The following CSMD2 variants were observed in gnomAD, a reference collection of about 807,000 sequenced individuals.
CSMD2 encodes CUB and sushi domain-containing protein 2.
CSMD2 carries 130 observed loss-of-function variants against 398.5 expected under a neutral mutation model. The ratio of observed to expected loss-of-function variants is 0.33; its 90% CI spans 0.28 to 0.38. The LOEUF (loss-of-function observed/expected upper bound fraction) is 0.38, where lower values mean the gene tolerates loss of function less well. Ranked by LOEUF, CSMD2 falls within the 10% of genes least tolerant of loss-of-function variation. The pLI is 1.00. For synonymous variants in CSMD2, 1,828 were observed against 1,908.5 expected, an observed-to-expected ratio of 0.96 and a Z score of 1.10; for missense variants, 3,829 against 4,764.9, an observed-to-expected ratio of 0.80 and a Z score of 5.78.
intron 29 of CSMD2, among the ~76,000 whole-genome samples, chr1:33,643,682 A>G (rs1643240731): frequency 6.6e-6 from 1 of 152,302 alleles, no homozygotes; most frequent in Non-Finnish European, 1.5e-5. Flanking sequence ...CTATAAAGAA[A>G]GATAGTGTAC....
At chr1:34,147,183 G>A (rs542821835) in intron 1 of CSMD2, among the ~76,000 whole-genome samples, 7 of 152,168 alleles carry the variant, frequency 4.6e-5, no homozygotes, top group Admixed American at 2.6e-4. Context: ...GCATGAACCC[G>A]GGAGGCAGAG....
intron 10 of CSMD2, among the ~76,000 whole-genome samples, chr1:33,805,535 G>A (rs913024951): frequency 6.6e-6 from 1 of 152,114 alleles, no homozygotes; most frequent in African/African-American, 2.4e-5. Context: ...CTTTTTCCAA[G>A]TTAGTGTTAA....
chr1:33,726,950 G>A (rs1022551132), intron 15 of CSMD2, among the ~76,000 whole-genome samples: 3 of 152,158 alleles, frequency 2.0e-5, no homozygotes, highest in African/African-American at 7.2e-5. Flanking sequence ...AAGGGCTGAA[G>A]TACAACTAAT....
chr1:33,726,796 GGA>G (rs1646548912), intron 15 of CSMD2, 111 bp from the exon 16 acceptor site: 2 of 1,193,284 alleles, frequency 1.7e-6, no homozygotes, highest in East Asian at 5.2e-5. Flanking sequence ...TTGTTTTTAT[GGA>G]AAATTACATA....
chr1:33,532,184 T>A (rs1001721570), intron 64 of CSMD2, among the ~76,000 whole-genome samples: 1 of 152,196 alleles, frequency 6.6e-6, no homozygotes, highest in African/African-American at 2.4e-5. Context: ...AGGGTATAGA[T>A]CTTCAGCACT....
intron 37 of CSMD2, among the ~76,000 whole-genome samples, chr1:33,618,927 C>A (rs1217508506): frequency 6.6e-6 from 1 of 152,114 alleles, no homozygotes; most frequent in Non-Finnish European, 1.5e-5. Context: ...CCCCTGCTCT[C>A]CCTGCCTCCC....
chr1:33,537,350 A>T lies in CSMD2; in HGVS notation c.9805+86T>A. 1.4e-6 allele frequency: 2 copies of T among 1,410,096 alleles called. No individual in the cohort carries two copies. The highest frequency in any genetic ancestry group is 1.9e-6 in the Non-Finnish European group (2 of 1,028,460). 87.3% of individuals were successfully genotyped at this position (1,410,096 alleles called of 1,614,324 possible). A position where few individuals can be genotyped will look rare whatever the true frequency, so the allele number is the denominator to read the frequency against. ...TTTTGCAGATGAGACCACTGAAGAC[A>T]GGGAAGGAAAGTAATCATCTCAGGC... On this transcript the variant is annotated intron_variant, in intron 61 of 70. Coordinates refer to ENST00000373381, the MANE Select transcript of CSMD2 (RefSeq NM_001281956.2). The surrounding 1 kb of genome is among the most constrained non-coding windows in gnomAD (Gnocchi z 4.6).
At chr1:33,646,502 C>T in intron 29 of CSMD2, 146 bp downstream of exon 29, 1 of 798,652 alleles carries the variant, frequency 1.3e-6, no homozygotes, top group South Asian at 1.9e-5. Context: ...GCAGGAAAGG[C>T]AGGTTTCTGC....
intron 64 of CSMD2, among the ~76,000 whole-genome samples, chr1:33,527,940 CAAAAAAA>C (rs61088318): frequency 1.0e-4 from 11 of 108,570 alleles, no homozygotes; most frequent in Non-Finnish European, 1.1e-4. Flanking sequence ...GACTCTGTCT[CAAAAAAA>C]AAAAAAAAAA....
intron 3 of CSMD2, among the ~76,000 whole-genome samples, chr1:33,974,356 C>T (rs571723238): frequency 3.9e-5 from 6 of 152,204 alleles, no homozygotes; most frequent in African/African-American, 7.2e-5. Flanking sequence ...CCTCCCACTG[C>T]GTGCTCATTC....
At chr1:33,956,416 G>A (rs576278526) in intron 3 of CSMD2, among the ~76,000 whole-genome samples, 7 of 152,186 alleles carry the variant, frequency 4.6e-5, no homozygotes, top group East Asian at 1.9e-4. Context: ...GAATCATATC[G>A]TTTTTATCCT....
intron 56 of CSMD2, among the ~76,000 whole-genome samples, chr1:33,547,247 AC>A (rs1217883422): frequency 2.6e-5 from 4 of 152,220 alleles, no homozygotes; most frequent in Non-Finnish European, 4.4e-5. Context: ...AGGGTAGAGA[AC>A]AGGAGACAAA....
intron 47 of CSMD2, among the ~76,000 whole-genome samples, chr1:33,582,676 T>C (rs12066983): frequency 0.01 from 1,580 of 152,312 alleles, 31 homozygotes; most frequent in African/African-American, 0.036. Flanking sequence ...TGCTGATGAC[T>C]GGGGGTCCAA....
intron 70 of CSMD2, among the ~76,000 whole-genome samples, chr1:33,517,311 G>A (rs1168249226): frequency 1.3e-5 from 2 of 152,088 alleles, no homozygotes; most frequent in African/African-American, 4.8e-5. Context: ...CTGGCAAGGG[G>A]CCAATGCTGA....
Position 34,110,636 on chromosome 1 carries a change from C to G in CSMD2, c.188-21443G>C, listed in dbSNP as rs375156725. Among the ~76,000 whole-genome samples the G allele has an allele frequency of 1.8e-3, 268 of 152,266 alleles. 1 individual carries two copies. The highest frequency in any genetic ancestry group is 6.1e-3 in the African/African-American group (252 of 41,544). ...CAACACAGGAATAGAAAACCAAATA[C>G]CACATATTCTTACTTATAAGTGGGA... On this transcript the variant is annotated intron_variant, in intron 1 of 70. Coordinates refer to ENST00000373381, the MANE Select transcript of CSMD2 (RefSeq NM_001281956.2).
chr1:33,716,595 A>G (rs2149176246), intron 19 of CSMD2, 94 bp from the exon 20 acceptor site: 1 of 876,370 alleles, frequency 1.1e-6, no homozygotes. Flanking sequence ...TCCAGTTTGC[A>G]AATGTCTATC....
In CSMD2 at chr1:33,666,663, C is replaced by T. The variant is rs369019242; in HGVS notation, c.4053-3571G>A. ...CTTTTATAGATATAGGAGGGGATTC[C>T]TTAAAACCAGGACCTGTGTAAGGCT... On this transcript the variant is annotated intron_variant, in intron 25 of 70. Coordinates refer to ENST00000373381, the MANE Select transcript of CSMD2 (RefSeq NM_001281956.2). Among the ~76,000 whole-genome samples the T allele has an allele frequency of 7.2e-4, 109 of 152,050 alleles. 3 individuals carry two copies. In the South Asian group the frequency reaches 0.022, roughly 31 times the overall value.
intron 3 of CSMD2, 33 bp from the exon 4 acceptor site, chr1:33,935,987 C>T (rs1214082972): frequency 1.3e-6 from 2 of 1,573,664 alleles, no homozygotes; most frequent in South Asian, 1.2e-5. Flanking sequence ...AGACGGGTAC[C>T]CCGTGAGCTG....
intron 1 of CSMD2, among the ~76,000 whole-genome samples, chr1:34,139,723 T>G (rs906517383): frequency 2.6e-5 from 4 of 152,246 alleles, no homozygotes; most frequent in Non-Finnish European, 5.9e-5. Flanking sequence ...TTTCTCTCAG[T>G]AATAATGATG....
Sources: allele counts gnomAD v4.1 joint callset (sites outside exome capture counted in the v4.1 genomes callset), GRCh38; gene constraint gnomAD v4.1.1; non-coding constraint Gnocchi (gnomAD v3.1); transcripts MANE v1.5; gene names NCBI Gene and HGNC (gene_info 2026-07-23, HGNC 2026-07-21).